The following TRPM8 variants were observed in gnomAD, a reference collection of about 807,000 sequenced individuals.
TRPM8 encodes TRPM8 cationic channel.
TRPM8 carries 110 observed loss-of-function variants against 133.7 expected under a neutral mutation model. The ratio of observed to expected loss-of-function variants is 0.82; its 90% CI spans 0.70 to 0.96. TRPM8 has a LOEUF of 0.96. Ranked by LOEUF, TRPM8 falls within the 40% of genes least tolerant of loss-of-function variation. TRPM8 has a pLI of 0.00. For synonymous variants in TRPM8, 535 were observed against 532.3 expected, an observed-to-expected ratio of 1.01 and a Z score of -0.07; for missense variants, 1,291 against 1,379.5, an observed-to-expected ratio of 0.94 and a Z score of 1.02.
chr2:233,940,284 G>GT (rs397736139), intron 5 of TRPM8, among the ~76,000 whole-genome samples: 14,951 of 137,146 alleles, frequency 0.11, 1,538 homozygotes, highest in African/African-American at 0.26. Context: ...CTAGACATGG[G>GT]TTTTTTTTTT....
In TRPM8 at chr2:234,008,477, C is replaced by T. The variant is rs149939008; in HGVS notation, c.3264+374C>T. Among the ~76,000 whole-genome samples the T allele has an allele frequency of 7.0e-3, 1,064 of 152,312 alleles. 9 individuals are homozygous for T. The highest frequency in any genetic ancestry group is 0.019 in the South Asian group (94 of 4,824). On this transcript the variant is annotated intron_variant, in intron 24 of 25. Coordinates refer to ENST00000324695, the MANE Select transcript of TRPM8 (RefSeq NM_024080.5). Reference sequence around the variant, plus strand: ...GCTAGTCTTTGCTGCCACTCTGATTCGTTGCCTGTTTTATTTGGAGGGCAT... The same window carrying T: ...GCTAGTCTTTGCTGCCACTCTGATTTGTTGCCTGTTTTATTTGGAGGGCAT...
At chr2:233,978,097 G>A (rs2108808) in intron 17 of TRPM8, among the ~76,000 whole-genome samples, 1 of 139,552 alleles carries the variant, frequency 7.2e-6, no homozygotes, top group Non-Finnish European at 1.5e-5. Context: ...TTTTTTTTTA[G>A]AATTTCTCAT....
chr2:234,014,924 T>A (rs1436372050), intron 25 of TRPM8, among the ~76,000 whole-genome samples: 1 of 152,232 alleles, frequency 6.6e-6, no homozygotes. Flanking sequence ...TAGGACCTTT[T>A]AAAACACTTG....
At chr2:233,944,526 T>G (rs1406491940) in intron 6 of TRPM8, among the ~76,000 whole-genome samples, 6 of 152,144 alleles carry the variant, frequency 3.9e-5, no homozygotes, top group Non-Finnish European at 7.4e-5. Flanking sequence ...GAAATGAATA[T>G]GTAAAGATTA....
At chr2:233,927,926 C>T (rs867184909) in intron 2 of TRPM8, among the ~76,000 whole-genome samples, 3 of 21,088 alleles carry the variant, frequency 1.4e-4, no homozygotes, top group Non-Finnish European at 2.8e-4. Flanking sequence ...CTCTCTCTTT[C>T]TCTCTCTCTC....
At chr2:233,997,036 G>A (rs1232970559) in intron 22 of TRPM8, among the ~76,000 whole-genome samples, 2 of 152,178 alleles carry the variant, frequency 1.3e-5, no homozygotes, top group African/African-American at 4.8e-5. Context: ...AGGCCTAGGC[G>A]GGCGGATTGC....
chr2:233,943,397 G>C (rs966897803), intron 6 of TRPM8, among the ~76,000 whole-genome samples: 22 of 152,138 alleles, frequency 1.4e-4, no homozygotes, highest in African/African-American at 5.1e-4. Context: ...CACAAAAAAT[G>C]ATGAGTTCAT....
chr2:233,950,082 T>C lies in TRPM8; in HGVS notation c.1076T>C (p.Val359Ala), dbSNP rs746730420. 9 of 1,613,934 alleles carry C rather than the reference T, an allele frequency of 5.6e-6. No homozygotes were observed. The East Asian group carries it at 1.8e-4, about 32-fold the overall frequency. ...TCTTCTGCCGTCAAGGAGAAGCTGG[T>C]GCGCTTTTTACCCCGCACGGTGTCC... ...LTSSAVKEKL[V>A]RFLPRTVSRL... The change falls in exon 9 of 26, where the codon GTG (valine) becomes GCG (alanine). Residue 359 changes from valine to alanine, a missense_variant. Val to Ala is a moderately conservative substitution (Grantham distance 64). Around this residue, in one of 2 missense-constraint regions of TRPM8, gnomAD observed 963 missense variants for 968.9 expected, o/e 0.99. Transcript: ENST00000324695.
chr2:233,930,678 A>C lies in TRPM8; in HGVS notation c.128A>C (p.Asn43Thr). 6.2e-7 allele frequency: 1 copy of C among 1,608,236 alleles called. No homozygotes were observed. The highest frequency in any genetic ancestry group is 1.1e-5 in the South Asian group (1 of 90,478). Residue 43 changes from asparagine (N) to threonine (T), a missense_variant, in exon 3 of 26, where the codon AAT becomes ACT. Transcript: ENST00000324695. ...GTTCTCTCTCCAAAGGACTTGGTGA[A>C]TTTTATTCAAGCAAATTTTAAGAAA... ...DLSYSESDLV[N>T]FIQANFKKRE...
intron 2 of TRPM8, among the ~76,000 whole-genome samples, chr2:233,928,086 C>T (rs1260296070): frequency 6.6e-6 from 1 of 150,826 alleles, no homozygotes; most frequent in Non-Finnish European, 1.5e-5. Context: ...TCTCCTGCCT[C>T]AGCCTCCTAA....
rs367859068 is a variant in TRPM8, at chr2:234,017,138, T to C, written c.*43-161T>C. ...ACATCTTTAAGAGAAAAAAACATTC[T>C]CAGAGCTGCTTCTATAAAAAAAAAA... On this transcript the variant is annotated intron_variant, in intron 25 of 25. Coordinates refer to ENST00000324695, the MANE Select transcript of TRPM8 (RefSeq NM_024080.5). 3.4e-4 allele frequency among the ~76,000 whole-genome samples: 51 copies of C among 151,964 alleles called. 1 individual carries two copies. The East Asian group carries it at 8.9e-3, about 26-fold the overall frequency.
Position 233,969,334 on chromosome 2 carries a change from A to G in TRPM8, c.2026-361A>G, listed in dbSNP as rs1691649581. On this transcript the variant is annotated intron_variant, in intron 15 of 25. Transcript: ENST00000324695. ...CACTACCAAAAATACAAAAAAAAAA[A>G]AAATTAGACAGGAATGGTGGCACAT... 3.3e-5 allele frequency among the ~76,000 whole-genome samples: 5 copies of G among 151,836 alleles called. No individual in the cohort carries two copies. The South Asian group carries it at 1.0e-3, about 32-fold the overall frequency.
At chr2:233,924,177 G>A (rs1691465599) in intron 1 of TRPM8, among the ~76,000 whole-genome samples, 1 of 152,170 alleles carries the variant, frequency 6.6e-6, no homozygotes, top group Non-Finnish European at 1.5e-5. Flanking sequence ...TCCAAGGTGG[G>A]CAAGTCAGGA....
Position 233,960,930 on chromosome 2 carries a change from A to G in TRPM8, c.1517A>G (p.Tyr506Cys). 6.2e-7 allele frequency: 1 copy of G among 1,614,162 alleles called. No homozygotes were observed. Among genetic ancestry groups the G allele is most frequent in the Non-Finnish European group, 8.5e-7 (1 of 1,180,032 alleles). The change falls in exon 12 of 26, where the codon TAC becomes TGC. Residue 506 changes from tyrosine to cysteine, a missense_variant. By Grantham distance (194) the Tyr-to-Cys change is radical (BLOSUM62 -2). This residue lies in a region of TRPM8 where 963 missense variants were observed against 968.9 expected (regional missense o/e 0.99). Transcript: ENST00000324695. ...LFSNHFSTLV[Y>C]RNLQIAKNSY... The stretch of plus-strand genomic sequence containing the variant: ...TCCAACCACTTCAGCACGCTTGTGT[A>G]CCGGAATCTGCAGATCGCCAAGAAT...
At chr2:233,953,666 C>T in intron 9 of TRPM8, 1 of 333,688 alleles carries the variant, frequency 3.0e-6, no homozygotes. Context: ...ACACACAGCA[C>T]CTGCACGCAG....
chr2:233,960,414 C>A (rs946344194), intron 11 of TRPM8, among the ~76,000 whole-genome samples: 1 of 152,074 alleles, frequency 6.6e-6, no homozygotes, highest in African/African-American at 2.4e-5. Flanking sequence ...CACACCCCCA[C>A]CCCCGATTGA....
intron 15 of TRPM8, among the ~76,000 whole-genome samples, chr2:233,969,360 T>G (rs6723443): frequency 0.088 from 13,379 of 151,532 alleles, 1,511 homozygotes; most frequent in East Asian, 0.39. Context: ...GGTGGCACAT[T>G]CCTGTAATCC....
intron 21 of TRPM8, among the ~76,000 whole-genome samples, chr2:233,986,097 A>G (rs1395976838): frequency 6.6e-6 from 1 of 152,236 alleles, no homozygotes; most frequent in East Asian, 1.9e-4. Context: ...GACAATCTTC[A>G]TCAAATCCAG....
In TRPM8 at chr2:233,972,520, G is replaced by A. The variant is rs1281178075; in HGVS notation, c.2355+2094G>A. On this transcript the variant is annotated intron_variant, in intron 17 of 25. Coordinates refer to ENST00000324695, the MANE Select transcript of TRPM8 (RefSeq NM_024080.5). The stretch of plus-strand genomic sequence containing the variant: ...GGGACTGGGCGCCATGGAGCAGGGG[G>A]TGGCGCTCGTGGAGGAGGCTCGGGC... 2.6e-5 allele frequency among the ~76,000 whole-genome samples: 4 copies of A among 152,370 alleles called. No homozygotes were observed. The East Asian group carries it at 7.7e-4, about 29-fold the overall frequency.
Sources: allele counts gnomAD v4.1 joint callset (sites outside exome capture counted in the v4.1 genomes callset), GRCh38; gene constraint gnomAD v4.1.1; regional missense constraint gnomAD v4.1.1; transcripts MANE v1.5; gene names NCBI Gene and HGNC (gene_info 2026-07-23, HGNC 2026-07-21).